Variants in CSMD1 observed in about 807,000 individuals in gnomAD.
CSMD1 encodes the protein CUB and Sushi multiple domains 1.
CSMD1 carries 213 observed loss-of-function variants against 417.5 expected under a neutral mutation model. That is an observed-to-expected ratio of 0.51 (90% confidence interval 0.46 to 0.57). The LOEUF is 0.57. Among genes scored for constraint, CSMD1 ranks in the 20% least tolerant of loss-of-function variants. The probability of loss-of-function intolerance (pLI) is 0.00; values close to 1 mark genes in which losing one functional copy is unlikely to be tolerated. For synonymous variants in CSMD1, 2,862 were observed against 1,736.8 expected (o/e 1.65, Z -16.11); for missense variants, 6,923 against 4,529.7 (o/e 1.53, Z -15.17).
intron 1 of CSMD1, among the ~76,000 whole-genome samples, chr8:4,918,366 A>T (rs879159665): frequency 2.6e-5 from 4 of 152,172 alleles, no homozygotes; most frequent in Non-Finnish European, 5.9e-5. Context: ...TCAGAGTGAA[A>T]GGTGGGTGTT....
intron 1 of CSMD1, among the ~76,000 whole-genome samples, chr8:4,967,738 C>A (rs966282707): frequency 9.9e-5 from 15 of 152,124 alleles, no homozygotes; most frequent in African/African-American, 3.6e-4. Flanking sequence ...AGCATTAGTT[C>A]ATCAATAATG....
chr8:4,360,771 G>C (rs972576909), intron 3 of CSMD1, among the ~76,000 whole-genome samples: 8 of 152,154 alleles, frequency 5.3e-5, no homozygotes, highest in African/African-American at 1.9e-4. Context: ...TGGGACTACA[G>C]GTGTGAGCCA....
At chr8:4,747,164 G>A (rs78055712) in intron 1 of CSMD1, among the ~76,000 whole-genome samples, 42 of 152,150 alleles carry the variant, frequency 2.8e-4, no homozygotes, top group Middle Eastern at 3.4e-3. Flanking sequence ...TTACTTATAG[G>A]GGGAGAGGAA....
intron 20 of CSMD1, among the ~76,000 whole-genome samples, chr8:3,360,495 T>C (rs1329352890): frequency 6.6e-6 from 1 of 152,252 alleles, no homozygotes; most frequent in Non-Finnish European, 1.5e-5. Context: ...TCCTTCTTGC[T>C]GTTTCCCCAG....
chr8:4,789,204 T>C (rs1797565101), intron 1 of CSMD1, among the ~76,000 whole-genome samples: 1 of 152,198 alleles, frequency 6.6e-6, no homozygotes. Context: ...TCAATAAATA[T>C]TATTTGTAGT....
At chr8:4,077,396 TATA>T (rs1403703164) in intron 3 of CSMD1, among the ~76,000 whole-genome samples, 2 of 151,068 alleles carry the variant, frequency 1.3e-5, no homozygotes, top group East Asian at 1.9e-4. Context: ...AGTCTTTTAT[TATA>T]ATAAGCTCTT....
At chr8:4,562,052 C>T (rs1295648108) in intron 2 of CSMD1, among the ~76,000 whole-genome samples, 1 of 152,098 alleles carries the variant, frequency 6.6e-6, no homozygotes, top group Non-Finnish European at 1.5e-5. Context: ...TCAATGCAGC[C>T]AGCAAAGAGA....
At chr8:4,341,484 A>T (rs910758105) in intron 3 of CSMD1, among the ~76,000 whole-genome samples, 11 of 152,168 alleles carry the variant, frequency 7.2e-5, no homozygotes, top group Non-Finnish European at 1.5e-4. Flanking sequence ...ATCAAAGGAC[A>T]GACTACTCTG....
intron 1 of CSMD1, among the ~76,000 whole-genome samples, chr8:4,795,778 G>T (rs1218414554): frequency 6.6e-6 from 1 of 152,012 alleles, no homozygotes; most frequent in East Asian, 1.9e-4. Context: ...ACGCCTTCAG[G>T]TACTCTGAGT....
intron 2 of CSMD1, among the ~76,000 whole-genome samples, chr8:4,462,596 G>C (rs1020942741): frequency 3.3e-5 from 5 of 152,046 alleles, no homozygotes; most frequent in Non-Finnish European, 7.4e-5. Context: ...GCACTTTCTA[G>C]GAAACCGCAT....
chr8:3,197,406 T>C (rs958048580), intron 33 of CSMD1, among the ~76,000 whole-genome samples: 6 of 152,126 alleles, frequency 3.9e-5, no homozygotes, highest in Non-Finnish European at 7.4e-5. Flanking sequence ...TGAATGAAGC[T>C]GTAATGGTGT....
chr8:4,234,700 G>C (rs1801941506), intron 3 of CSMD1, among the ~76,000 whole-genome samples: 2 of 152,162 alleles, frequency 1.3e-5, no homozygotes, highest in Admixed American at 1.3e-4. Flanking sequence ...TGAATGGTGT[G>C]GTGTACGGCC....
At chr8:3,806,607 C>A (rs577937099) in intron 5 of CSMD1, among the ~76,000 whole-genome samples, 1 of 152,276 alleles carries the variant, frequency 6.6e-6, no homozygotes, top group Admixed American at 6.5e-5. Flanking sequence ...GTAGTAGGAA[C>A]AACATCAATA....
chr8:4,453,848 G>C (rs1367720171), intron 2 of CSMD1, among the ~76,000 whole-genome samples: 1 of 108,206 alleles, frequency 9.2e-6, no homozygotes, highest in African/African-American at 3.6e-5. Flanking sequence ...TTGAGACAGA[G>C]TCTCACTCTG....
intron 8 of CSMD1, among the ~76,000 whole-genome samples, chr8:3,615,232 G>A (rs1802077311): frequency 6.6e-6 from 1 of 152,074 alleles, no homozygotes; most frequent in Non-Finnish European, 1.5e-5. Context: ...GCCATTTATT[G>A]ACAGACAGCA....
chr8:4,123,966 G>T (rs925331750), intron 3 of CSMD1, among the ~76,000 whole-genome samples: 6 of 151,874 alleles, frequency 4.0e-5, no homozygotes, highest in African/African-American at 1.5e-4. Context: ...CTGGAAAAAA[G>T]TTTCTGATGT....
intron 1 of CSMD1, among the ~76,000 whole-genome samples, chr8:4,968,977 T>G (rs1246567107): frequency 6.6e-6 from 1 of 152,126 alleles, no homozygotes; most frequent in Non-Finnish European, 1.5e-5. Flanking sequence ...CCCTGTGCTT[T>G]TGCACATAGG....
At chr8:4,073,190 G>T (rs1009849347) in intron 3 of CSMD1, among the ~76,000 whole-genome samples, 3 of 152,050 alleles carry the variant, frequency 2.0e-5, no homozygotes, top group Non-Finnish European at 2.9e-5. Context: ...GCACTTCAAA[G>T]AACGCTCACA....
intron 5 of CSMD1, among the ~76,000 whole-genome samples, chr8:3,810,746 T>A (rs1047622039): frequency 6.6e-6 from 1 of 152,176 alleles, no homozygotes; most frequent in Non-Finnish European, 1.5e-5. Flanking sequence ...TTGGTTCAAT[T>A]CCTGGCTTTG....
Sources: gnomAD v4.1 joint callset for allele counts (sites outside exome capture counted in the v4.1 genomes callset) on GRCh38, gnomAD v4.1.1 for gene constraint, MANE v1.5 for transcripts, NCBI Gene and HGNC (gene_info 2026-07-23, HGNC 2026-07-21) for gene names.